TGFBR3: variants seen among roughly 807,000 people sequenced by gnomAD.
TGFBR3 encodes the protein transforming growth factor beta receptor 3.
Under a neutral mutation model 87.9 loss-of-function variants are expected in TGFBR3, and 46 were observed. The observed-to-expected ratio is 0.52, with a 90% CI of 0.41 to 0.67. The LOEUF (loss-of-function observed/expected upper bound fraction) is 0.67, where lower values mean the gene tolerates loss of function less well. TGFBR3 is among the 30% of genes least tolerant of loss of function. TGFBR3 has a pLI of 0.00. For synonymous variants in TGFBR3, 381 were observed against 391.6 expected, an observed-to-expected ratio of 0.97 and a Z score of 0.32; for missense variants, 866 against 1,041.9, an observed-to-expected ratio of 0.83 and a Z score of 2.32.
chr1:91,810,060 T>A (rs1393068380), intron 2 of TGFBR3, among the ~76,000 whole-genome samples: 2 of 152,146 alleles, frequency 1.3e-5, no homozygotes, highest in African/African-American at 4.8e-5. Context: ...CCACAGTTTT[T>A]TGGGGGTAAG....
At chr1:91,720,526 A>G (rs1324799244) in intron 8 of TGFBR3, among the ~76,000 whole-genome samples, 3 of 152,230 alleles carry the variant, frequency 2.0e-5, no homozygotes, top group Non-Finnish European at 4.4e-5. Context: ...TTGGCTACAC[A>G]TGAAAATCAC....
intron 3 of TGFBR3, among the ~76,000 whole-genome samples, chr1:91,787,943 G>GGAAAAAAAAAAAAAAAAAAC (rs945269870): frequency 7.5e-6 from 1 of 133,314 alleles, no homozygotes; most frequent in African/African-American, 3.1e-5. Context: ...GTCTCACGGG[G>GGAAAAAAAAAAAAAAAAAAC]AAAAAAAAAA....
intron 1 of TGFBR3, among the ~76,000 whole-genome samples, chr1:91,872,965 C>T (rs575449485): frequency 3.0e-5 from 4 of 132,294 alleles, no homozygotes; most frequent in Admixed American, 7.6e-5. Context: ...CTTTTTTTGA[C>T]GGGGTGGTGG....
At chr1:91,819,613 G>A (rs952553170) in intron 2 of TGFBR3, among the ~76,000 whole-genome samples, 4 of 152,148 alleles carry the variant, frequency 2.6e-5, no homozygotes, top group African/African-American at 9.7e-5. Flanking sequence ...TAGCATGACA[G>A]TAAATCCATA....
At chr1:91,830,708 C>A (rs17883401) in intron 2 of TGFBR3, among the ~76,000 whole-genome samples, 6 of 152,110 alleles carry the variant, frequency 3.9e-5, no homozygotes, top group Non-Finnish European at 8.8e-5. Flanking sequence ...TGACAGATCT[C>A]GGTCTGGGGC....
At chr1:91,781,041 T>A (rs1674750997) in intron 3 of TGFBR3, among the ~76,000 whole-genome samples, 1 of 152,102 alleles carries the variant, frequency 6.6e-6, no homozygotes, top group Non-Finnish European at 1.5e-5. Context: ...CAAGGAGGAA[T>A]GCCTTGCTGC....
At chr1:91,719,217 C>T in intron 10 of TGFBR3, 95 bp downstream of exon 10, 4 of 1,562,396 alleles carry the variant, frequency 2.6e-6, no homozygotes, top group Middle Eastern at 1.7e-4. Context: ...GGGTGAAAAC[C>T]CTCTTCATCT....
At chr1:91,884,356 G>A (rs1319807856) in intron 1 of TGFBR3, among the ~76,000 whole-genome samples, 2 of 151,860 alleles carry the variant, frequency 1.3e-5, no homozygotes, top group South Asian at 2.1e-4. Flanking sequence ...ATTAATACAA[G>A]TCAGAGTTCT....
chr1:91,730,055 T>C lies in TGFBR3; in HGVS notation c.569-82A>G. ...AAAGGAAGGAGGGTGACAGTGAAACTGAGCAAATGGCAGACACAGGGAACC... is the reference window on the plus strand; with the variant it reads ...AAAGGAAGGAGGGTGACAGTGAAACCGAGCAAATGGCAGACACAGGGAACC... On this transcript the variant is annotated intron_variant, in intron 5 of 16. Coordinates refer to ENST00000212355, the MANE Select transcript of TGFBR3 (RefSeq NM_003243.5). 8 of 1,511,200 alleles carry C rather than the reference T, an allele frequency of 5.3e-6. No homozygotes were observed. The South Asian group carries it at 9.1e-5, about 17-fold the overall frequency. 93.6% of individuals were successfully genotyped at this position (1,511,200 alleles called of 1,614,324 possible).
At chr1:91,866,316 C>A (rs1678395245) in intron 1 of TGFBR3, among the ~76,000 whole-genome samples, 1 of 152,160 alleles carries the variant, frequency 6.6e-6, no homozygotes, top group African/African-American at 2.4e-5. Flanking sequence ...CTGGCTACAT[C>A]CATGAGTTGA....
At chr1:91,855,078 A>T (rs1415124982) in intron 2 of TGFBR3, among the ~76,000 whole-genome samples, 1 of 152,236 alleles carries the variant, frequency 6.6e-6, no homozygotes, top group Non-Finnish European at 1.5e-5. Context: ...CCACAGACAC[A>T]AAGAGTTCAG....
chr1:91,740,146 A>G (rs976921267), intron 4 of TGFBR3, among the ~76,000 whole-genome samples: 2 of 151,650 alleles, frequency 1.3e-5, no homozygotes, highest in East Asian at 3.9e-4. Flanking sequence ...TGCAACCTCC[A>G]CCTCCCAGGT....
chr1:91,701,398 T>C (rs1334488110), intron 14 of TGFBR3, among the ~76,000 whole-genome samples: 2 of 152,148 alleles, frequency 1.3e-5, no homozygotes, highest in East Asian at 3.9e-4. Flanking sequence ...CGAGTTGGCA[T>C]GCTGAGAGGA....
chr1:91,729,657 C>T (rs1417932823), intron 6 of TGFBR3, 148 bp downstream of exon 6: 38 of 900,890 alleles, frequency 4.2e-5, no homozygotes, highest in Admixed American at 3.9e-4. Context: ...GCATCAATGG[C>T]TACCTTCCCT....
chr1:91,773,191 C>T (rs1477252161), intron 3 of TGFBR3, among the ~76,000 whole-genome samples: 2 of 151,464 alleles, frequency 1.3e-5, no homozygotes, highest in Non-Finnish European at 2.9e-5. Flanking sequence ...CCAGCCTGGC[C>T]AACATAGTGA....
At position 91,852,876 on chromosome 1, in the gene TGFBR3, C is replaced by CA. The variant is rs1677793606; in HGVS notation, c.61+8594dup. On this transcript the variant is annotated intron_variant, in intron 2 of 16. Transcript: ENST00000212355. ...CTGGTTAAAATAACCAGCTAAAGGC[C>CA]AGGCATGATGGCTCACACCTATAAT... Among the ~76,000 whole-genome samples, 3 of 152,008 alleles carry CA rather than the reference C, an allele frequency of 2.0e-5. No homozygotes were observed. In the South Asian group the frequency reaches 6.2e-4, roughly 32 times the overall value.
At chr1:91,739,607 G>A (rs1673082276) in intron 4 of TGFBR3, among the ~76,000 whole-genome samples, 1 of 152,088 alleles carries the variant, frequency 6.6e-6, no homozygotes, top group South Asian at 2.1e-4. Flanking sequence ...GTCCTTGCTG[G>A]GGTTCCAGGT....
At chr1:91,794,669 T>C (rs960489827) in intron 3 of TGFBR3, among the ~76,000 whole-genome samples, 1 of 152,236 alleles carries the variant, frequency 6.6e-6, no homozygotes, top group Non-Finnish European at 1.5e-5. Context: ...GTCTGTCTTT[T>C]TTCATTTAGT....
chr1:91,886,707 C>T (rs1459517284), upstream of TGFBR3, among the ~76,000 whole-genome samples: 1 of 152,198 alleles, frequency 6.6e-6, no homozygotes, highest in East Asian at 1.9e-4. Flanking sequence ...AACCTCCGGT[C>T]CCGCTTGTTG....
Sources: gnomAD v4.1 joint callset for allele counts (sites outside exome capture counted in the v4.1 genomes callset) on GRCh38, gnomAD v4.1.1 for gene constraint, MANE v1.5 for transcripts, NCBI Gene and HGNC (gene_info 2026-07-23, HGNC 2026-07-21) for gene names.